Variants in LYST observed in about 807,000 individuals in gnomAD.
The protein encoded by LYST is lysosomal-trafficking regulator.
In LYST, 192 loss-of-function variants were observed where a neutral mutation model predicts 413.6. That is an observed-to-expected ratio of 0.46 (90% CI 0.41 to 0.52). The LOEUF is 0.52. Among genes scored for constraint, LYST ranks in the 20% least tolerant of loss-of-function variants. The probability of loss-of-function intolerance (pLI) is 0.00; values close to 1 mark genes in which losing one functional copy is unlikely to be tolerated. For missense variants in LYST, 3,815 were observed against 4,499.9 expected (o/e 0.85, Z 4.35); for synonymous variants, 1,525 against 1,567.3 (o/e 0.97, Z 0.64).
intron 19 of LYST, among the ~76,000 whole-genome samples, chr1:235,771,818 A>G (rs999491132): frequency 3.9e-5 from 6 of 151,900 alleles, no homozygotes; most frequent in African/African-American, 1.5e-4. Context: ...ATTTTGTAAT[A>G]TAATTTTCTA....
intron 52 of LYST, among the ~76,000 whole-genome samples, chr1:235,663,776 C>A (rs1180753282): frequency 6.6e-6 from 1 of 152,180 alleles, no homozygotes; most frequent in African/African-American, 2.4e-5. Context: ...GACTCTGAGT[C>A]ACTGACTCGG....
intron 42 of LYST, among the ~76,000 whole-genome samples, chr1:235,713,953 T>TG (rs986720447): frequency 2.7e-4 from 41 of 152,198 alleles, no homozygotes; most frequent in African/African-American, 9.4e-4. Context: ...TTTAGTTGAT[T>TG]GGTAGTTTTA....
In LYST at chr1:235,810,170, T is replaced by G; in HGVS notation, c.648A>C (p.Pro216=). ...DRLATKEQTP[P]DAMALENSRE... Reference sequence around the variant, plus strand: ...TGGAATTTTCCAAAGCCATAGCATCTGGAGGAGTCTGTTCTTTGGTTGCTA... The same window carrying G: ...TGGAATTTTCCAAAGCCATAGCATCGGGAGGAGTCTGTTCTTTGGTTGCTA... Residue 216 remains proline (P), a synonymous_variant, in exon 5 of 53, where the codon CCA becomes CCC. Coordinates refer to ENST00000389793, the MANE Select transcript of LYST (RefSeq NM_000081.4). 6.2e-7 allele frequency: 1 copy of G among 1,614,182 alleles called. No individual in the cohort carries two copies. Among genetic ancestry groups the G allele is most frequent in the East Asian group, 2.2e-5 (1 of 44,892 alleles).
chr1:235,856,634 A>T (rs1679222889), intron 1 of LYST, among the ~76,000 whole-genome samples: 1 of 152,170 alleles, frequency 6.6e-6, no homozygotes, highest in African/African-American at 2.4e-5. Context: ...TCTGTTTTTT[A>T]AAAAATAAGG....
intron 12 of LYST, among the ~76,000 whole-genome samples, chr1:235,790,587 T>C (rs189702409): frequency 8.5e-4 from 129 of 152,282 alleles, no homozygotes; most frequent in African/African-American, 3.0e-3. Flanking sequence ...ATGAGAAAGA[T>C]TTGTGGAATG....
rs1671053808 is a variant in LYST, at chr1:235,792,014, A to T, written c.4228T>A (p.Ser1410Thr). 6.2e-7 allele frequency: 1 copy of T among 1,614,142 alleles called. No individual in the cohort carries two copies. Among genetic ancestry groups the T allele is most frequent in the Non-Finnish European group, 8.5e-7 (1 of 1,179,988 alleles). Reference sequence around the variant, plus strand: ...AAAATCCCAGGATACTTTTGTGATGAAACACCGTTGCTTAAATTTGGAGCG... The same window carrying T: ...AAAATCCCAGGATACTTTTGTGATGTAACACCGTTGCTTAAATTTGGAGCG... ...LHAPNLSNGV[S>T]SQKYPGILNS... The change falls in exon 12 of 53, where the codon TCA (serine) becomes ACA (threonine). Residue 1410 changes from serine to threonine, a missense_variant. By Grantham distance (58) the Ser-to-Thr change is moderately conservative. This residue lies in a region of LYST where 1,648 missense variants were observed against 1,810.3 expected (regional missense o/e 0.91). Coordinates refer to ENST00000389793, the MANE Select transcript of LYST (RefSeq NM_000081.4).
Position 235,744,155 on chromosome 1 carries a change from A to C in LYST, c.7975T>G (p.Phe2659Val), listed in dbSNP as rs200155335. The C allele has an allele frequency of 1.4e-5, 22 of 1,528,122 alleles. No individual in the cohort carries two copies. Among genetic ancestry groups the C allele is most frequent in the Non-Finnish European group, 2.0e-5 (22 of 1,102,116 alleles). 94.7% of individuals were successfully genotyped at this position (1,528,122 alleles called of 1,614,324 possible). ...LAVNRIIYQE[F>V]NSDIIDILRT... is the part of the protein sequence containing the mutation. ...AAAATGTCAATAATGTCTGAATTAA[A>C]TTCTTTGAATTGAAAAAAAGAATAC... The change falls in exon 30 of 53, where the codon TTT becomes GTT. Residue 2659 changes from phenylalanine (F) to valine (V), a missense_variant and splice_region_variant. Phe to Val is a conservative substitution (Grantham distance 50, BLOSUM62 -1). This residue lies in a region of LYST where 771 missense variants were observed against 837.1 expected (regional missense o/e 0.92). Coordinates refer to ENST00000389793, the MANE Select transcript of LYST (RefSeq NM_000081.4).
chr1:235,680,605 T>G (rs2103043162), intron 48 of LYST, among the ~76,000 whole-genome samples: 1 of 151,388 alleles, frequency 6.6e-6, no homozygotes, highest in South Asian at 2.1e-4. Flanking sequence ...TGATTTTCTT[T>G]TTTTTTTTTT....
In LYST at chr1:235,715,365, A is replaced by G. The variant is rs1212738581; in HGVS notation, c.9628-8T>C. ...GTACTCTTCCTCCAAGTACTGAAAG[A>G]AACGGTGAATCCAGAGAATTCATGA... On this transcript the variant is annotated splice_region_variant and splice_polypyrimidine_tract_variant and intron_variant, in intron 41 of 52. Transcript: ENST00000389793. 2 of 1,613,624 alleles carry G rather than the reference A, an allele frequency of 1.2e-6. No individual in the cohort carries two copies. The highest frequency in any genetic ancestry group is 1.7e-6 in the Non-Finnish European group (2 of 1,179,740).
At chr1:235,830,449 A>G in intron 2 of LYST, 25 bp from the exon 3 acceptor site, 1 of 1,526,912 alleles carries the variant, frequency 6.5e-7, no homozygotes, top group East Asian at 2.3e-5. Context: ...TTACAAAAAA[A>G]AAAGATTAGG....
intron 42 of LYST, 47 bp from the exon 43 acceptor site, chr1:235,712,244 C>G (rs978992706): frequency 3.0e-6 from 4 of 1,313,320 alleles, no homozygotes; most frequent in Admixed American, 3.9e-5. Context: ...AGACCTAATT[C>G]TATTTGAGGC....
At chr1:235,813,298 T>C (rs1056728602) in intron 3 of LYST, among the ~76,000 whole-genome samples, 2 of 152,210 alleles carry the variant, frequency 1.3e-5, no homozygotes, top group Non-Finnish European at 2.9e-5. Context: ...ACACTCCTGC[T>C]GATATTTCCA....
intron 19 of LYST, among the ~76,000 whole-genome samples, chr1:235,772,174 A>G (rs1668774943): frequency 6.6e-6 from 1 of 152,130 alleles, no homozygotes; most frequent in Non-Finnish European, 1.5e-5. Flanking sequence ...GCAGGGAGCC[A>G]AGATGGTGCC....
chr1:235,786,449 T>C (rs969009829), intron 14 of LYST, among the ~76,000 whole-genome samples: 7 of 152,208 alleles, frequency 4.6e-5, no homozygotes, highest in Non-Finnish European at 1.0e-4. Context: ...ACATTGTTGG[T>C]GGGTCTGTAA....
chr1:235,809,701 G>A lies in LYST; in HGVS notation c.1117C>T (p.Pro373Ser). Reference protein sequence around the residue: ...IRICLEKQPDPFAPRQKKTLQ... With the variant: ...IRICLEKQPDSFAPRQKKTLQ... ...GTTTTCTTTTGTCTTGGTGCAAAAGGGTCAGGCTGCTTTTCTAGGCATATT... is the reference window on the plus strand; with the variant it reads ...GTTTTCTTTTGTCTTGGTGCAAAAGAGTCAGGCTGCTTTTCTAGGCATATT... Residue 373 changes from proline to serine, a missense_variant, in exon 5 of 53, where the codon CCT (proline) becomes TCT (serine). By Grantham distance (74) the Pro-to-Ser change is moderately conservative (BLOSUM62 -1). Transcript: ENST00000389793. This position sits in a 1 kb window ranked among gnomAD's most constrained non-coding sequence, Gnocchi z 4.0. 2 of 1,613,572 alleles carry A rather than the reference G, an allele frequency of 1.2e-6. No individual in the cohort carries two copies. Among genetic ancestry groups the A allele is most frequent in the Non-Finnish European group, 1.7e-6 (2 of 1,179,780 alleles).
At chr1:235,667,578 C>T (rs767960827) in intron 50 of LYST, among the ~76,000 whole-genome samples, 1 of 152,120 alleles carries the variant, frequency 6.6e-6, no homozygotes, top group Admixed American at 6.5e-5. Flanking sequence ...TTCCAGGACC[C>T]CTGAGGATAT....
chr1:235,676,688 A>G (rs1035855215), intron 50 of LYST, among the ~76,000 whole-genome samples: 2 of 152,254 alleles, frequency 1.3e-5, no homozygotes, highest in East Asian at 1.9e-4. Context: ...AGCTAATTCA[A>G]TTTTTCAGCT....
At chr1:235,785,961 T>A (rs1558241680) in intron 14 of LYST, among the ~76,000 whole-genome samples, 1 of 152,228 alleles carries the variant, frequency 6.6e-6, no homozygotes, top group Non-Finnish European at 1.5e-5. Flanking sequence ...AATCTATCAC[T>A]TGGTATATTT....
At chr1:235,766,448 T>G in intron 20 of LYST, among the ~76,000 whole-genome samples, 171 bp from the exon 21 acceptor site, 1 of 152,162 alleles carries the variant, frequency 6.6e-6, no homozygotes, top group Non-Finnish European at 1.5e-5. Flanking sequence ...ATTTCCTAAT[T>G]CAAGCAATCT....
Sources: allele counts gnomAD v4.1 joint callset (sites outside exome capture counted in the v4.1 genomes callset), GRCh38; gene constraint gnomAD v4.1.1; regional missense constraint gnomAD v4.1.1; non-coding constraint Gnocchi (gnomAD v3.1); transcripts MANE v1.5; gene names NCBI Gene and HGNC (gene_info 2026-07-23, HGNC 2026-07-21).